Variants in ZFAT observed in about 807,000 individuals in gnomAD.
ZFAT encodes the protein zinc finger and AT-hook domain containing.
Under a neutral mutation model 117.7 loss-of-function variants are expected in ZFAT, and 64 were observed. That is an observed-to-expected ratio of 0.54 (90% CI 0.44 to 0.67). ZFAT has a LOEUF of 0.67. Among genes scored for constraint, ZFAT ranks in the 30% least tolerant of loss-of-function variants. ZFAT has a pLI of 0.00. For missense variants in ZFAT, 1,433 were observed against 1,584.5 expected (o/e 0.90, Z 1.62); for synonymous variants, 679 against 615.0 (o/e 1.10, Z -1.54).
chr8:134,777,599 T>C, the ZFAT span, among the ~76,000 whole-genome samples: 1 of 152,232 alleles, frequency 6.6e-6, no homozygotes, highest in Non-Finnish European at 1.5e-5. Flanking sequence ...GTTCTGGACA[T>C]AGTAGATGCT....
intron 12 of ZFAT, among the ~76,000 whole-genome samples, chr8:134,523,911 T>G (rs1196763454): frequency 1.3e-5 from 2 of 152,206 alleles, no homozygotes; most frequent in Non-Finnish European, 2.9e-5. Context: ...TTCCCTACTT[T>G]CAGTCTGACA....
chr8:134,670,981 G>A (rs1832533229), intron 1 of ZFAT, among the ~76,000 whole-genome samples: 1 of 152,174 alleles, frequency 6.6e-6, no homozygotes, highest in African/African-American at 2.4e-5. Flanking sequence ...ACACCTCTAT[G>A]TAAATAAACT....
chr8:134,578,040 G>C (rs1040892184), intron 10 of ZFAT, among the ~76,000 whole-genome samples: 4 of 141,542 alleles, frequency 2.8e-5, no homozygotes, highest in African/African-American at 1.0e-4. Context: ...ATTCAGACAG[G>C]GGGAAAGAAC....
chr8:134,723,649 C>A, the ZFAT span: 2,772 of 152,452 alleles, frequency 0.018, 38 homozygotes, highest in Non-Finnish European at 0.025. Context: ...TGAAGCCAAC[C>A]TGAAGACACC....
chr8:134,493,463 A>C (rs1433654108), intron 15 of ZFAT, among the ~76,000 whole-genome samples: 1 of 152,236 alleles, frequency 6.6e-6, no homozygotes, highest in African/African-American at 2.4e-5. Context: ...TGGGCAACAG[A>C]AAGAGGATGC....
At chr8:134,746,097 A>G in the ZFAT span, among the ~76,000 whole-genome samples, 53,933 of 152,010 alleles carry the variant, frequency 0.35, 9,863 homozygotes, top group Admixed American at 0.44. Context: ...ATCTACCATT[A>G]TATTGATTTC....
intron 11 of ZFAT, among the ~76,000 whole-genome samples, chr8:134,539,876 G>T (rs1822124761): frequency 6.6e-6 from 1 of 151,936 alleles, no homozygotes; most frequent in South Asian, 2.1e-4. Flanking sequence ...AGGGTCAGGT[G>T]TTAGGCCCAC....
intron 2 of ZFAT, among the ~76,000 whole-genome samples, chr8:134,645,174 G>A (rs182710883): frequency 1.3e-5 from 2 of 152,340 alleles, no homozygotes; most frequent in East Asian, 1.9e-4. Context: ...GAGGATTTCA[G>A]TGGCTTCACG....
intron 1 of ZFAT, among the ~76,000 whole-genome samples, chr8:134,681,991 C>G (rs1187292537): frequency 1.3e-5 from 2 of 152,182 alleles, no homozygotes; most frequent in African/African-American, 4.8e-5. Context: ...GCTCATCTTG[C>G]AGAACTTTTA....
Position 134,490,111 on chromosome 8 carries a change from C to G in ZFAT, c.3493-11390G>C, listed in dbSNP as rs140987574. ...CACTCTAGGTGTGACCACAAGAGCC[C>G]TTAAGCGACTTCTTAGTTATGTGGA... On this transcript the variant is annotated intron_variant, in intron 15 of 15. Transcript: ENST00000377838. Among the ~76,000 whole-genome samples the G allele has an allele frequency of 2.5e-3, 378 of 152,350 alleles. 2 individuals are homozygous for G. The highest frequency in any genetic ancestry group is 0.01 in the Middle Eastern group (3 of 294).
At chr8:134,717,111 T>A (rs1006185029), upstream of ZFAT, among the ~76,000 whole-genome samples, 1 of 152,134 alleles carries the variant, frequency 6.6e-6, no homozygotes, top group African/African-American at 2.4e-5. Context: ...AGCTGATAGA[T>A]TAAACTGCTA....
At chr8:134,495,496 A>G (rs1181337982) in intron 15 of ZFAT, among the ~76,000 whole-genome samples, 2 of 152,202 alleles carry the variant, frequency 1.3e-5, no homozygotes, top group Non-Finnish European at 1.5e-5. Flanking sequence ...TGCCTCCCCC[A>G]GGGCCTCCTC....
At chr8:134,655,026 C>A (rs144591547) in intron 2 of ZFAT, among the ~76,000 whole-genome samples, 11 of 152,168 alleles carry the variant, frequency 7.2e-5, no homozygotes, top group African/African-American at 2.4e-4. Context: ...CAGCCACATA[C>A]AGGAGTGAAC....
rs28699397 is a variant in ZFAT, at chr8:134,590,697, A to C, written c.2476-342T>G. Among the ~76,000 whole-genome samples the C allele has an allele frequency of 3.9e-3, 474 of 120,578 alleles. 1 individual carries two copies. Among genetic ancestry groups the C allele is most frequent in the Admixed American group, 8.8e-3 (91 of 10,364 alleles). 79.1% of individuals were successfully genotyped at this position (120,578 alleles called of 152,430 possible). On this transcript the variant is annotated intron_variant, in intron 7 of 15. Coordinates refer to ENST00000377838, the MANE Select transcript of ZFAT (RefSeq NM_020863.4). ...ACCAACACCACCACCACCAACAACA[A>C]CACCACGACCACCATCACCATTACC...
the ZFAT span, among the ~76,000 whole-genome samples, chr8:134,730,475 A>T: frequency 6.6e-6 from 1 of 152,186 alleles, no homozygotes; most frequent in Admixed American, 6.5e-5. Context: ...CAGTCCCATC[A>T]TCCTGGATTC....
the ZFAT span, among the ~76,000 whole-genome samples, chr8:134,813,801 T>TACACACACACACACACAC: frequency 1.4e-5 from 2 of 147,030 alleles, no homozygotes; most frequent in Non-Finnish European, 3.0e-5. Flanking sequence ...TTTGATTTTA[T>TACACACACACACACACAC]ACACACACAC....
intron 1 of ZFAT, among the ~76,000 whole-genome samples, chr8:134,711,715 C>T (rs1814006047): frequency 6.6e-6 from 1 of 152,214 alleles, no homozygotes; most frequent in Non-Finnish European, 1.5e-5. Context: ...TCTGTCACTC[C>T]AGGACACATT....
intron 13 of ZFAT, among the ~76,000 whole-genome samples, chr8:134,513,228 C>T (rs1238557121): frequency 4.8e-5 from 7 of 146,168 alleles, no homozygotes; most frequent in Non-Finnish European, 1.0e-4. Context: ...GACAGAGTCT[C>T]GCTCTGTCAC....
At chr8:134,763,807 T>A in the ZFAT span, among the ~76,000 whole-genome samples, 2 of 152,174 alleles carry the variant, frequency 1.3e-5, no homozygotes, top group South Asian at 4.1e-4. Context: ...CTTGGGAATG[T>A]CCAGCAGCTT....
Sources: allele counts gnomAD v4.1 joint callset (sites outside exome capture counted in the v4.1 genomes callset), GRCh38; gene constraint gnomAD v4.1.1; transcripts MANE v1.5; gene names NCBI Gene and HGNC (gene_info 2026-07-23, HGNC 2026-07-21).